UCK2: variants seen among roughly 807,000 people sequenced by gnomAD.
UCK2 encodes cytidine monophosphokinase 2.
Under a neutral mutation model 30.8 loss-of-function variants are expected in UCK2, and 6 were observed. The ratio of observed to expected loss-of-function variants is 0.19; its 90% CI spans 0.11 to 0.38. UCK2 has a LOEUF of 0.38. UCK2 is among the 10% of genes least tolerant of loss of function. The pLI, the probability that UCK2 is intolerant of heterozygous loss-of-function variation, is 1.00. For synonymous variants in UCK2, 125 were observed against 133.6 expected, an observed-to-expected ratio of 0.94 and a Z score of 0.45; for missense variants, 210 against 339.8, an observed-to-expected ratio of 0.62 and a Z score of 3.00.
chr1:165,908,061 T>C lies in UCK2; in HGVS notation c.*238T>C, dbSNP rs1338627801. The C allele has an allele frequency of 2.1e-6, 1 of 470,676 alleles. No homozygotes were observed. Among genetic ancestry groups the C allele is most frequent in the Non-Finnish European group, 3.7e-6 (1 of 269,394 alleles). 29.2% of individuals were successfully genotyped at this position (470,676 alleles called of 1,614,324 possible). A position where few individuals can be genotyped will look rare whatever the true frequency, so the allele number is the denominator to read the frequency against. The stretch of plus-strand genomic sequence containing the variant: ...AACTACTACTGGTGATGCCTAATTA[T>C]GAATCCAACGTGTAACCAGTTATAA... On this transcript the variant is annotated 3_prime_UTR_variant, in exon 7 of 7. Transcript: ENST00000367879.
intron 1 of UCK2, among the ~76,000 whole-genome samples, chr1:165,867,739 G>A (rs1367331494): frequency 2.6e-5 from 4 of 152,182 alleles, no homozygotes; most frequent in African/African-American, 9.7e-5. Context: ...CACTACATCT[G>A]CAGTGACTTA....
intron 1 of UCK2, among the ~76,000 whole-genome samples, chr1:165,876,844 C>T (rs1455391063): frequency 2.0e-5 from 3 of 152,202 alleles, no homozygotes; most frequent in Non-Finnish European, 4.4e-5. Flanking sequence ...TCTTGTATCA[C>T]CCCAGTCTCT....
chr1:165,868,135 T>C (rs1465876613), intron 1 of UCK2, among the ~76,000 whole-genome samples: 1 of 152,214 alleles, frequency 6.6e-6, no homozygotes, highest in East Asian at 1.9e-4. Flanking sequence ...AAGGAATCTT[T>C]TTTTATGAGC....
chr1:165,903,093 G>T, intron 4 of UCK2, 89 bp from the exon 5 acceptor site: 1 of 923,050 alleles, frequency 1.1e-6, no homozygotes. Context: ...TAATTGTGGA[G>T]CCTGTGGGAG....
chr1:165,887,458 T>G (rs1655643920), intron 1 of UCK2, among the ~76,000 whole-genome samples: 1 of 152,210 alleles, frequency 6.6e-6, no homozygotes, highest in South Asian at 2.1e-4. Flanking sequence ...AGTGTAACTT[T>G]TTAATATGCT....
At chr1:165,875,038 C>CAAA (rs57582300) in intron 1 of UCK2, among the ~76,000 whole-genome samples, 2 of 111,344 alleles carry the variant, frequency 1.8e-5, no homozygotes, top group South Asian at 3.0e-4. Flanking sequence ...ACTGAGTTAC[C>CAAA]AAAAAAAAAA....
At chr1:165,882,387 G>A (rs1157859515) in intron 1 of UCK2, among the ~76,000 whole-genome samples, 1 of 152,214 alleles carries the variant, frequency 6.6e-6, no homozygotes, top group Non-Finnish European at 1.5e-5. Flanking sequence ...GTTGACCTCA[G>A]TATTAGTATC....
intron 1 of UCK2, among the ~76,000 whole-genome samples, chr1:165,855,340 G>GTT (rs1163037908): frequency 6.6e-6 from 1 of 151,996 alleles, no homozygotes. Flanking sequence ...CAGCAAAGAT[G>GTT]TCCCCAAATA....
At chr1:165,899,650 T>C (rs6681761) in intron 4 of UCK2, among the ~76,000 whole-genome samples, 16,730 of 152,258 alleles carry the variant, frequency 0.11, 2,699 homozygotes, top group African/African-American at 0.35. Flanking sequence ...CCCTGTCCTC[T>C]GAAAAGGCCT....
intron 1 of UCK2, among the ~76,000 whole-genome samples, chr1:165,855,413 G>GT (rs969621806): frequency 9.9e-5 from 15 of 151,344 alleles, no homozygotes; most frequent in East Asian, 5.8e-4. Context: ...AGCTCACACA[G>GT]TTTTTTTAAC....
intron 1 of UCK2, among the ~76,000 whole-genome samples, chr1:165,855,105 C>A (rs963515269): frequency 6.6e-6 from 1 of 152,184 alleles, no homozygotes; most frequent in Non-Finnish European, 1.5e-5. Context: ...GTTAGCCAGC[C>A]TATGTTTCTC....
intron 1 of UCK2, among the ~76,000 whole-genome samples, chr1:165,888,067 G>C (rs1443156031): frequency 6.6e-6 from 1 of 152,182 alleles, no homozygotes; most frequent in African/African-American, 2.4e-5. Context: ...ATTTTGCAGA[G>C]CTGTTTAGTT....
intron 1 of UCK2, among the ~76,000 whole-genome samples, chr1:165,833,395 C>G (rs2101847631): frequency 6.6e-6 from 1 of 152,080 alleles, no homozygotes; most frequent in East Asian, 1.9e-4. Flanking sequence ...GTCTGCTCTG[C>G]CTGAATCTCT....
chr1:165,861,465 A>G (rs1003585532), intron 1 of UCK2, among the ~76,000 whole-genome samples: 3 of 151,186 alleles, frequency 2.0e-5, no homozygotes, highest in African/African-American at 7.3e-5. Context: ...CGTCTCTACT[A>G]AAAATACAAA....
chr1:165,873,772 G>A (rs1376439688), intron 1 of UCK2, among the ~76,000 whole-genome samples: 7 of 152,184 alleles, frequency 4.6e-5, no homozygotes, highest in African/African-American at 1.2e-4. Context: ...CCTTAGTGCC[G>A]AGACGTGGGG....
At chr1:165,878,335 C>CTT (rs35804765) in intron 1 of UCK2, among the ~76,000 whole-genome samples, 3 of 144,034 alleles carry the variant, frequency 2.1e-5, no homozygotes, top group African/African-American at 5.1e-5. Flanking sequence ...TTCTTTCTTT[C>CTT]TTTTTTTTTT....
chr1:165,832,567 C>CT (rs1654076753), intron 1 of UCK2, among the ~76,000 whole-genome samples: 1 of 152,076 alleles, frequency 6.6e-6, no homozygotes, highest in African/African-American at 2.4e-5. Context: ...GTTAGGGGAA[C>CT]TTTTGACTTA....
intron 1 of UCK2, among the ~76,000 whole-genome samples, chr1:165,855,930 A>G (rs1654732130): frequency 6.6e-6 from 1 of 152,082 alleles, no homozygotes; most frequent in Admixed American, 6.6e-5. Context: ...CCTGGTGCAG[A>G]TTGACTAACC....
intron 1 of UCK2, among the ~76,000 whole-genome samples, chr1:165,833,430 T>C (rs1338955924): frequency 2.0e-5 from 3 of 152,102 alleles, no homozygotes; most frequent in African/African-American, 4.8e-5. Flanking sequence ...GAGCCATGCC[T>C]AGCACGATGT....
Sources: gnomAD v4.1 joint callset for allele counts (sites outside exome capture counted in the v4.1 genomes callset) on GRCh38, gnomAD v4.1.1 for gene constraint, MANE v1.5 for transcripts, NCBI Gene and HGNC (gene_info 2026-07-23, HGNC 2026-07-21) for gene names.